The following NCAM1 variants were observed in gnomAD, a reference collection of about 807,000 sequenced individuals.
NCAM1 encodes antigen recognized by monoclonal antibody 5.1H11.
Under a neutral mutation model 109.8 loss-of-function variants are expected in NCAM1, and 14 were observed. The observed-to-expected ratio is 0.13, with a 90% CI of 0.08 to 0.20. The LOEUF is 0.20. Ranked by LOEUF, NCAM1 falls within the 10% of genes least tolerant of loss-of-function variation. The probability of loss-of-function intolerance (pLI) is 1.00; values close to 1 mark genes in which losing one functional copy is unlikely to be tolerated. For synonymous variants in NCAM1, 418 were observed against 442.9 expected (o/e 0.94, Z 0.70); for missense variants, 774 against 1,109.9 (o/e 0.70, Z 4.30).
At chr11:113,080,340 C>A (rs1396291601) in intron 1 of NCAM1, among the ~76,000 whole-genome samples, 1 of 152,120 alleles carries the variant, frequency 6.6e-6, no homozygotes, top group African/African-American at 2.4e-5. Flanking sequence ...AACACTGTTT[C>A]CTGATGAAAA....
intron 1 of NCAM1, among the ~76,000 whole-genome samples, chr11:112,990,597 G>T (rs1951432787): frequency 6.6e-6 from 1 of 152,190 alleles, no homozygotes; most frequent in Non-Finnish European, 1.5e-5. Context: ...TGCTGAGAGG[G>T]ACTGAAGCCA....
intron 1 of NCAM1, among the ~76,000 whole-genome samples, chr11:112,975,690 G>A (rs1304922283): frequency 6.6e-6 from 1 of 151,922 alleles, no homozygotes; most frequent in Non-Finnish European, 1.5e-5. Context: ...TTGAAAGTGA[G>A]TCAGTTAACT....
chr11:113,224,963 T>TA (rs1281139427), intron 9 of NCAM1, among the ~76,000 whole-genome samples: 1 of 152,078 alleles, frequency 6.6e-6, no homozygotes, highest in Non-Finnish European at 1.5e-5. Context: ...CAAAGGTAGA[T>TA]AAAACCACAA....
chr11:113,161,896 A>G (rs1332679794), intron 1 of NCAM1, among the ~76,000 whole-genome samples: 2 of 152,006 alleles, frequency 1.3e-5, no homozygotes, highest in Non-Finnish European at 2.9e-5. Flanking sequence ...GCAGCTGGTC[A>G]TTTTTGTCCA....
chr11:113,190,426 CAGA>C (rs1943641691), intron 1 of NCAM1, among the ~76,000 whole-genome samples: 3 of 152,182 alleles, frequency 2.0e-5, no homozygotes, highest in Admixed American at 1.3e-4. Flanking sequence ...TGCAGACTCA[CAGA>C]AGAAGAATGT....
chr11:113,182,945 G>A (rs950099915), intron 1 of NCAM1, among the ~76,000 whole-genome samples: 2 of 152,224 alleles, frequency 1.3e-5, no homozygotes, highest in African/African-American at 4.8e-5. Context: ...TGGCAGGACT[G>A]GGGTGAGCCA....
intron 17 of NCAM1, among the ~76,000 whole-genome samples, chr11:113,267,699 G>A (rs1946163765): frequency 6.6e-6 from 1 of 152,264 alleles, no homozygotes; most frequent in East Asian, 1.9e-4. Flanking sequence ...AATGAAAGGG[G>A]AGGCCGCTGC....
chr11:113,238,655 A>T (rs1382269783), intron 14 of NCAM1, among the ~76,000 whole-genome samples: 1 of 152,218 alleles, frequency 6.6e-6, no homozygotes, highest in South Asian at 2.1e-4. Flanking sequence ...GTCTGAACTT[A>T]GGTAGACAGA....
chr11:113,235,306 C>A lies in NCAM1; in HGVS notation c.1825+142C>A, dbSNP rs782311435. The A allele has an allele frequency of 6.5e-6, 10 of 1,541,592 alleles. No homozygotes were observed. The South Asian group carries it at 1.1e-4, about 17-fold the overall frequency. On this transcript the variant is annotated intron_variant, in intron 14 of 19. Coordinates refer to ENST00000316851, the MANE Select transcript of NCAM1 (RefSeq NM_181351.5). ...CCCTCTGCTCCTGGAGGCCCCACCT[C>A]CTAGTTCTCTGGTTCTCAGTGACAG...
intron 1 of NCAM1, among the ~76,000 whole-genome samples, chr11:113,121,650 G>C (rs1051511283): frequency 6.6e-6 from 1 of 151,554 alleles, no homozygotes. Context: ...GGATTTCGGA[G>C]TTATTATCCC....
At chr11:113,221,060 C>T (rs1307947783) in intron 8 of NCAM1, among the ~76,000 whole-genome samples, 1 of 152,088 alleles carries the variant, frequency 6.6e-6, no homozygotes, top group Admixed American at 6.6e-5. Context: ...ATTAGGAAAA[C>T]CTGAACCTTT....
Position 113,240,759 on chromosome 11 carries a change from T to TC in NCAM1, c.1825+5599dup, listed in dbSNP as rs781807771. 3 of 1,610,890 alleles carry TC rather than the reference T, an allele frequency of 1.9e-6. No individual in the cohort carries two copies. In the East Asian group the frequency reaches 6.7e-5, roughly 36 times the overall value. On this transcript the variant is annotated intron_variant, in intron 14 of 19. Transcript: ENST00000316851. ...ATCTGTGTGCCTCAATGATCTTTTT[T>TC]CCCCACCTTCATTTTTCTTTCTTCA... is the stretch of plus-strand genomic sequence containing the variant.
At chr11:113,208,082 G>A in intron 7 of NCAM1, 80 bp downstream of exon 7, 1 of 1,455,440 alleles carries the variant, frequency 6.9e-7, no homozygotes, top group Non-Finnish European at 9.3e-7. Context: ...GTAAGACCCT[G>A]GCCACTGTCC....
chr11:113,002,193 T>G (rs553497436), intron 1 of NCAM1, among the ~76,000 whole-genome samples: 1 of 152,298 alleles, frequency 6.6e-6, no homozygotes, highest in South Asian at 2.1e-4. Context: ...AGCAGTTGTT[T>G]CCTCAGAGAT....
In NCAM1 at chr11:113,255,911, G is replaced by A. The variant is rs1380523588; in HGVS notation, c.1863G>A (p.Met621Ile). The A allele has an allele frequency of 2.5e-6, 4 of 1,612,040 alleles. No individual in the cohort carries two copies. The African/African-American group carries it at 5.4e-5, about 22-fold the overall frequency. ...GTGCACCTAAGCTCGAAGGGCAGAT[G>A]GGAGAGGATGGAAACTCTATTAAAG... ...EPSAPKLEGQ[M>I]GEDGNSIKVN... is the part of the protein sequence containing the mutation. The change falls in exon 16 of 20, where the codon ATG (methionine) becomes ATA (isoleucine). Residue 621 changes from methionine (M) to isoleucine (I), a missense_variant. Met to Ile is a conservative substitution (Grantham distance 10). This residue lies in a region of NCAM1 where 523 missense variants were observed against 784.2 expected (regional missense o/e 0.67). Coordinates refer to ENST00000316851, the MANE Select transcript of NCAM1 (RefSeq NM_181351.5).
chr11:113,235,164 C>T lies in NCAM1; in HGVS notation c.1825C>T (p.Gln609Ter). 2 of 1,613,932 alleles carry T rather than the reference C, an allele frequency of 1.2e-6. No individual in the cohort carries two copies. Among genetic ancestry groups the T allele is most frequent in the Non-Finnish European group, 1.7e-6 (2 of 1,179,850 alleles). Residue 609 changes from glutamine to a stop codon, truncating the protein, a stop_gained and splice_region_variant, in exon 14 of 20, where the codon CAA becomes TAA. Coordinates refer to ENST00000316851, the MANE Select transcript of NCAM1 (RefSeq NM_181351.5). LOFTEE classifies it high-confidence loss of function. ...AASEFKTQPV[Q>*]GEPSAPKLEG... ...CTCCGAGTTCAAGACGCAGCCAGTC[C>T]GTAAGTAAAGCCAGCTGCCCCCCTT...
chr11:112,971,369 A>G (rs1950877612), intron 1 of NCAM1, among the ~76,000 whole-genome samples: 1 of 152,064 alleles, frequency 6.6e-6, no homozygotes, highest in South Asian at 2.1e-4. Context: ...ATGTGGGATC[A>G]AAGAGAGGGT....
chr11:113,207,322 C>T lies in NCAM1; in HGVS notation c.690C>T (p.Ser230=), dbSNP rs371142479. The change falls in exon 6 of 20, where the codon TCC becomes TCT. Residue 230 remains serine, a synonymous_variant. Coordinates refer to ENST00000316851, the MANE Select transcript of NCAM1 (RefSeq NM_181351.5). The part of the protein sequence containing the change: ...IVNATANLGQ[S]VTLVCDAEGF... ...ATGCCACCGCCAACCTCGGCCAGTC[C>T]GTCACCCTGGTGTGCGATGCCGAAG... is the stretch of plus-strand genomic sequence containing the variant. 134 of 1,613,926 alleles carry T rather than the reference C, an allele frequency of 8.3e-5. 2 individuals are homozygous for T. The Middle Eastern group carries it at 9.9e-4, about 12-fold the overall frequency.
At chr11:113,102,163 A>G (rs1555091663) in intron 1 of NCAM1, among the ~76,000 whole-genome samples, 1 of 152,200 alleles carries the variant, frequency 6.6e-6, no homozygotes, top group Non-Finnish European at 1.5e-5. Context: ...TAGTCATCTG[A>G]AAAAGTTCTT....
Sources: allele counts gnomAD v4.1 joint callset (sites outside exome capture counted in the v4.1 genomes callset), GRCh38; gene constraint gnomAD v4.1.1; regional missense constraint gnomAD v4.1.1; transcripts MANE v1.5; gene names NCBI Gene and HGNC (gene_info 2026-07-23, HGNC 2026-07-21).